The following RAB11B variants were observed in gnomAD, a reference collection of about 807,000 sequenced individuals.
RAB11B encodes the protein RAB11B, member RAS oncogene family, also known as ras-related protein Rab-11B.
A neutral mutation model predicts 23.7 loss-of-function variants in RAB11B; 7 were observed. The observed-to-expected ratio is 0.29, with a 90% CI of 0.17 to 0.55. RAB11B has a LOEUF of 0.55. RAB11B is among the 20% of genes least tolerant of loss of function. The probability of loss-of-function intolerance (pLI) is 0.93; values close to 1 mark genes in which losing one functional copy is unlikely to be tolerated. For missense variants in RAB11B, 189 were observed against 320.0 expected (o/e 0.59, Z 3.12); for synonymous variants, 138 against 132.0 (o/e 1.05, Z -0.31).
At chr19:8,397,583 G>A (rs1165774335) in intron 1 of RAB11B, among the ~76,000 whole-genome samples, 2 of 152,106 alleles carry the variant, frequency 1.3e-5, no homozygotes, top group Non-Finnish European at 2.9e-5. Context: ...AGGAGGTGGA[G>A]TGAGTGAGTG....
In RAB11B at chr19:8,396,776, T is replaced by C. The variant is rs1036557929; in HGVS notation, c.41-3087T>C. Among the ~76,000 whole-genome samples the C allele has an allele frequency of 4.8e-5, 7 of 147,142 alleles. No homozygotes were observed. The highest frequency in any genetic ancestry group is 7.5e-5 in the Non-Finnish European group (5 of 66,898). On this transcript the variant is annotated intron_variant, in intron 1 of 4. Coordinates refer to ENST00000328024, the MANE Select transcript of RAB11B (RefSeq NM_004218.4). The surrounding 1 kb of genome is among the most constrained non-coding windows in gnomAD (Gnocchi z 5.0). ...GCGGGGAGGACTGTGGCTTTTCCCC[T>C]GCGGAAGGTGGGGGCCACGGAGGGT... is the stretch of plus-strand genomic sequence containing the variant.
rs1328553252 is a variant in RAB11B, at chr19:8,393,392, C to T, written c.40+2936C>T. Among the ~76,000 whole-genome samples the T allele has an allele frequency of 3.3e-5, 5 of 152,262 alleles. No individual in the cohort carries two copies. In the East Asian group the frequency reaches 5.8e-4, roughly 18 times the overall value. On this transcript the variant is annotated intron_variant, in intron 1 of 4. Coordinates refer to ENST00000328024, the MANE Select transcript of RAB11B (RefSeq NM_004218.4). ...GACATGGGTCGTGGGGGAAACGGGC[C>T]GCAGCTGCCCCAGGCCCTGTCCTCT...
rs1317903337 is a variant in RAB11B at position 8,396,713 on chromosome 19, G to C, written c.41-3150G>C. On this transcript the variant is annotated intron_variant, in intron 1 of 4. Transcript: ENST00000328024. This position sits in a 1 kb window ranked among gnomAD's most constrained non-coding sequence, Gnocchi z 5.0. ...TGTGGCTGGAGCAGAGTGAGCCGGG[G>C]GGGGGGCGGGAGGGAGGAGGGGAGG... Among the ~76,000 whole-genome samples, 40 of 147,254 alleles carry C rather than the reference G, an allele frequency of 2.7e-4. No individual in the cohort carries two copies. The highest frequency in any genetic ancestry group is 5.1e-4 in the African/African-American group (20 of 39,462).
chr19:8,402,667 T>TTTTGTTTTTTTCTA, intron 4 of RAB11B, 102 bp downstream of exon 4: 1 of 986,334 alleles, frequency 1.0e-6, no homozygotes, highest in Non-Finnish European at 1.5e-6. Flanking sequence ...GTTTTTTTCT[T>TTTTGTTTTTTTCTA]TTTTTTGTCG....
Position 8,399,849 on chromosome 19 carries a change from G to A in RAB11B, c.41-14G>A, listed in dbSNP as rs753541239. ...GGAGTGTGGGGATTCACAGAACCTC[G>A]CCTTCCCGCCCAGTGGTGCTCATCG... On this transcript the variant is annotated splice_polypyrimidine_tract_variant and intron_variant, in intron 1 of 4. Coordinates refer to ENST00000328024, the MANE Select transcript of RAB11B (RefSeq NM_004218.4). 1.4e-5 allele frequency: 22 copies of A among 1,608,226 alleles called. No homozygotes were observed. The highest frequency in any genetic ancestry group is 1.7e-5 in the Non-Finnish European group (20 of 1,175,232).
intron 1 of RAB11B, among the ~76,000 whole-genome samples, chr19:8,391,615 G>C (rs151084784): frequency 6.6e-6 from 1 of 152,196 alleles, no homozygotes; most frequent in Non-Finnish European, 1.5e-5. Context: ...GACAATGGCA[G>C]CCCTTGAGGG....
Position 8,403,711 on chromosome 19 carries a change from G to A in RAB11B, c.*153G>A. The stretch of plus-strand genomic sequence containing the variant: ...GGGCCGGGGCCCAGGAAGGACAGGA[G>A]CCAGTGCTACCCCGTCCTGCCCGGG... On this transcript the variant is annotated 3_prime_UTR_variant, in exon 5 of 5. Transcript: ENST00000328024. 2 of 1,137,082 alleles carry A rather than the reference G, an allele frequency of 1.8e-6. No homozygotes were observed. Among genetic ancestry groups the A allele is most frequent in the South Asian group, 1.6e-5 (1 of 61,458 alleles). The allele number at this position is 1,137,082 out of a possible 1,614,324, so 70.4% of individuals were successfully genotyped here. A position where few individuals can be genotyped will look rare whatever the true frequency, so the allele number is the denominator to read the frequency against.
Position 8,403,564 on chromosome 19 carries a change from G to A in RAB11B, c.*6G>A. ...AGTGCTGCCAGAACCTGTGACCCCT[G>A]CGCCTCCACCCAGCGTGCGTGCACG... On this transcript the variant is annotated 3_prime_UTR_variant, in exon 5 of 5. Transcript: ENST00000328024. 1 of 1,609,608 alleles carries A rather than the reference G, an allele frequency of 6.2e-7. No homozygotes were observed. The highest frequency in any genetic ancestry group is 8.5e-7 in the Non-Finnish European group (1 of 1,176,836).
chr19:8,395,817 C>T (rs1169456943), intron 1 of RAB11B, among the ~76,000 whole-genome samples: 2 of 152,200 alleles, frequency 1.3e-5, no homozygotes, highest in African/African-American at 4.8e-5. Flanking sequence ...AGAACCACGA[C>T]TCCCGAGCCA....
chr19:8,403,595 C>A lies in RAB11B; in HGVS notation c.*37C>A. 2 of 1,574,770 alleles carry A rather than the reference C, an allele frequency of 1.3e-6. No individual in the cohort carries two copies. Among genetic ancestry groups the A allele is most frequent in the South Asian group, 1.2e-5 (1 of 86,720 alleles). On this transcript the variant is annotated 3_prime_UTR_variant, in exon 5 of 5. Transcript: ENST00000328024. Reference sequence around the variant, plus strand: ...CCACCCAGCGTGCGTGCACGTCCTCCGCCCGCCCCCGCCACGGTATCCTCT... The same window carrying A: ...CCACCCAGCGTGCGTGCACGTCCTCAGCCCGCCCCCGCCACGGTATCCTCT...
At position 8,391,901 on chromosome 19, in the gene RAB11B, G is replaced by T. The variant is rs547058708; in HGVS notation, c.40+1445G>T. Among the ~76,000 whole-genome samples, 40 of 152,150 alleles carry T rather than the reference G, an allele frequency of 2.6e-4. 1 individual carries two copies. The South Asian group carries it at 8.1e-3, about 31-fold the overall frequency. ...CTCTACAAGGGCCTAGAGTCGTCCT[G>T]TGGCACTGAGGGCTCTGGCAGCTGC... On this transcript the variant is annotated intron_variant, in intron 1 of 4. Transcript: ENST00000328024.
rs1599685842 is a variant in RAB11B at position 8,396,235 on chromosome 19, A to C, written c.41-3628A>C. Among the ~76,000 whole-genome samples the C allele has an allele frequency of 6.6e-6, 1 of 151,556 alleles. No individual in the cohort carries two copies. Among genetic ancestry groups the C allele is most frequent in the South Asian group, 2.1e-4 (1 of 4,794 alleles). On this transcript the variant is annotated intron_variant, in intron 1 of 4. Transcript: ENST00000328024. The surrounding 1 kb of genome is among the most constrained non-coding windows in gnomAD (Gnocchi z 5.0). ...GGGGCTGCCTGATCCTGCCCTCCTC[A>C]CCTGTGGCCCAAGGGTGGTGACCTG...
In RAB11B at chr19:8,396,222, TC is replaced by T. The variant is rs966256927; in HGVS notation, c.41-3639del. Among the ~76,000 whole-genome samples, 14 of 152,230 alleles carry T rather than the reference TC, an allele frequency of 9.2e-5. No individual in the cohort carries two copies. Among genetic ancestry groups the T allele is most frequent in the Non-Finnish European group, 1.8e-4 (12 of 68,036 alleles). Reference sequence around the variant, plus strand: ...AGGTGGGGTTGTAGGGGCTGCCTGATCCTGCCCTCCTCACCTGTGGCCCAAG... The same window carrying T: ...AGGTGGGGTTGTAGGGGCTGCCTGATCTGCCCTCCTCACCTGTGGCCCAAG... On this transcript the variant is annotated intron_variant, in intron 1 of 4. Coordinates refer to ENST00000328024, the MANE Select transcript of RAB11B (RefSeq NM_004218.4). The surrounding 1 kb of genome is among the most constrained non-coding windows in gnomAD (Gnocchi z 5.0).
intron 1 of RAB11B, among the ~76,000 whole-genome samples, chr19:8,393,503 C>G (rs1971374084): frequency 1.3e-5 from 2 of 152,226 alleles, no homozygotes; most frequent in South Asian, 4.1e-4. Context: ...CCTTTCTGTG[C>G]TGAGGCTCCT....
chr19:8,401,074 T>A (rs10417971), intron 2 of RAB11B, among the ~76,000 whole-genome samples: 44,146 of 150,838 alleles, frequency 0.29, 7,200 homozygotes, highest in South Asian at 0.37. Flanking sequence ...TTAATTAATT[T>A]ATTTATTTTT....
chr19:8,391,089 T>C (rs1971348403), intron 1 of RAB11B, among the ~76,000 whole-genome samples: 1 of 152,096 alleles, frequency 6.6e-6, no homozygotes, highest in African/African-American at 2.4e-5. Flanking sequence ...AAGAATTCCA[T>C]CTCTTCACTC....
chr19:8,403,450 C>T lies in RAB11B; in HGVS notation c.549C>T (p.Asp183=), dbSNP rs780792724. 3 of 1,614,016 alleles carry T rather than the reference C, an allele frequency of 1.9e-6. No homozygotes were observed. The highest frequency in any genetic ancestry group is 3.3e-5 in the Admixed American group (2 of 60,012). ...YRIVSQKQIA[D]RAAHDESPGN... ...TCGTGTCACAGAAACAGATCGCAGA[C>T]CGCGCTGCCCACGACGAGTCCCCGG... is the stretch of plus-strand genomic sequence containing the variant. Residue 183 remains aspartate, a synonymous_variant, in exon 5 of 5, where the codon GAC becomes GAT. Transcript: ENST00000328024.
At position 8,390,391 on chromosome 19, in the gene RAB11B, C is replaced by T; in HGVS notation, c.-26C>T. 2 of 1,527,558 alleles carry T rather than the reference C, an allele frequency of 1.3e-6. No individual in the cohort carries two copies. Among genetic ancestry groups the T allele is most frequent in the Non-Finnish European group, 8.8e-7 (1 of 1,141,396 alleles). The allele number at this position is 1,527,558 out of a possible 1,614,324, so 94.6% of individuals were successfully genotyped here. ...TGTTTGTGGTGGGGCTGCGGAGTCGCCGATCCCGCCGGAAGCGCCAGGACA... is the reference window on the plus strand; with the variant it reads ...TGTTTGTGGTGGGGCTGCGGAGTCGTCGATCCCGCCGGAAGCGCCAGGACA... On this transcript the variant is annotated 5_prime_UTR_variant, in exon 1 of 5. Coordinates refer to ENST00000328024, the MANE Select transcript of RAB11B (RefSeq NM_004218.4).
At chr19:8,395,936 C>T (rs952129150) in intron 1 of RAB11B, among the ~76,000 whole-genome samples, 2 of 152,148 alleles carry the variant, frequency 1.3e-5, no homozygotes, top group Non-Finnish European at 2.9e-5. Context: ...GCTCACTTCC[C>T]AGGCGGTGGC....
Sources: allele counts gnomAD v4.1 joint callset (sites outside exome capture counted in the v4.1 genomes callset), GRCh38; gene constraint gnomAD v4.1.1; non-coding constraint Gnocchi (gnomAD v3.1); transcripts MANE v1.5; gene names NCBI Gene and HGNC (gene_info 2026-07-23, HGNC 2026-07-21).